The following PAK3 variants were observed in gnomAD, a reference collection of about 807,000 sequenced individuals.
The protein encoded by PAK3 is p21 (RAC1) activated kinase 3.
PAK3 carries 4 observed loss-of-function variants against 41.0 expected under a neutral mutation model. The ratio of observed to expected loss-of-function variants is 0.10; its 90% CI spans 0.05 to 0.22. PAK3 has a LOEUF of 0.22. Ranked by LOEUF, PAK3 falls within the 10% of genes least tolerant of loss-of-function variation. PAK3 has a pLI of 1.00. For missense variants in PAK3, 205 were observed against 409.9 expected, an observed-to-expected ratio of 0.50 and a Z score of 4.32; for synonymous variants, 146 against 139.6, an observed-to-expected ratio of 1.05 and a Z score of -0.32.
Position 111,163,032 on chromosome X carries a change from G to C in PAK3, c.586G>C (p.Glu196Gln). Reference sequence around the variant, plus strand: ...ACCACCAGTTATCGCACCAAGACCAGAGCATACAAAATCAGTAAGTCACAA... The same window carrying C: ...ACCACCAGTTATCGCACCAAGACCACAGCATACAAAATCAGTAAGTCACAA... ...EPPPVIAPRP[E>Q]HTKSIYTRSV... The change falls in exon 9 of 18, where the codon GAG becomes CAG. Residue 196 changes from glutamate (E) to glutamine (Q), a missense_variant. Glu to Gln is a conservative substitution (Grantham distance 29). This residue lies in a region of PAK3 where 75 missense variants were observed against 91.9 expected (regional missense o/e 0.82). Transcript: ENST00000372007. The C allele has an allele frequency of 8.3e-7, 1 of 1,208,345 alleles. No individual in the cohort carries two copies. The highest frequency in any genetic ancestry group is 1.1e-6 in the Non-Finnish European group (1 of 892,773).
At chrX:111,204,386 C>A (rs988615914) in intron 16 of PAK3, among the ~76,000 whole-genome samples, 1 of 111,120 alleles carries the variant, frequency 9.0e-6, no homozygotes, top group African/African-American at 3.3e-5. Flanking sequence ...GATGCATATG[C>A]TGATTGCCCT....
At chrX:111,166,909 G>T (rs769730844) in intron 10 of PAK3, among the ~76,000 whole-genome samples, 14 of 111,670 alleles carry the variant, frequency 1.3e-4, no homozygotes, top group Non-Finnish European at 2.6e-4. Flanking sequence ...AGTCATCACT[G>T]GGTCTGAGTC....
At position 111,203,545 on chromosome X, in the gene PAK3, A is replaced by G. The variant is rs185482142; in HGVS notation, c.1407+6905A>G. Among the ~76,000 whole-genome samples, 1,108 of 111,325 alleles carry G rather than the reference A, an allele frequency of 1.0e-2. 10 individuals carry two copies. The highest frequency in any genetic ancestry group is 0.017 in the Non-Finnish European group (887 of 52,956). On this transcript the variant is annotated intron_variant, in intron 16 of 17. Transcript: ENST00000372007. ...AAGGGGGAAAGGAGGACAGAAATCT[A>G]AAATCAGACCTCTTATCTACACTAG...
chrX:111,208,085 C>G (rs748328330), intron 16 of PAK3, among the ~76,000 whole-genome samples: 2 of 112,311 alleles, frequency 1.8e-5, no homozygotes, highest in African/African-American at 6.5e-5. Context: ...TGAGCCACCA[C>G]GCCCAGCCTG....
chrX:110,963,873 C>T (rs1186533804), intron 1 of PAK3, among the ~76,000 whole-genome samples: 1 of 111,813 alleles, frequency 8.9e-6, no homozygotes, highest in Non-Finnish European at 1.9e-5. Context: ...GCTATATCAG[C>T]GTGAGGTGTT....
At chrX:110,956,441 C>T (rs1220375633) in intron 1 of PAK3, among the ~76,000 whole-genome samples, 1 of 111,283 alleles carries the variant, frequency 9.0e-6, no homozygotes, top group Non-Finnish European at 1.9e-5. Context: ...GCTCCCACCC[C>T]AGAAAATATT....
In PAK3 at chrX:111,065,504, G is replaced by A. The variant is rs138742564; in HGVS notation, c.-27-57573G>A. 6.5e-4 allele frequency among the ~76,000 whole-genome samples: 72 copies of A among 110,719 alleles called. 1 individual carries two copies. In the East Asian group the frequency reaches 0.02, roughly 30 times the overall value. ...GTGTCTATGTTTATCAGGGATATTG[G>A]CCTGTAGTTTTCTTTTTTGTTGTTC... On this transcript the variant is annotated intron_variant, in intron 1 of 14. Transcript: ENST00000425146.
At position 110,972,935 on chromosome X, in the gene PAK3, G is replaced by A. The variant is rs191098302; in HGVS notation, c.-28+28307G>A. On this transcript the variant is annotated intron_variant, in intron 1 of 14. Coordinates refer to the PAK3 transcript ENST00000425146. ...GACGCATGCACAAGCTTCAATAGCCGATTCGATCAAGTGGAAGAAAGGGTA... is the reference window on the plus strand; with the variant it reads ...GACGCATGCACAAGCTTCAATAGCCAATTCGATCAAGTGGAAGAAAGGGTA... Among the ~76,000 whole-genome samples the A allele has an allele frequency of 3.4e-4, 38 of 111,716 alleles. No homozygotes were observed. In the Middle Eastern group the frequency reaches 0.014, roughly 41 times the overall value.
chrX:111,142,961 A>T (rs12014918), intron 6 of PAK3, among the ~76,000 whole-genome samples: 3,761 of 109,362 alleles, frequency 0.034, 150 homozygotes, highest in African/African-American at 0.11. Flanking sequence ...TTTCTTTTTT[A>T]AAAAAAAAGA....
chrX:111,186,817 A>G lies in PAK3; in HGVS notation c.831-5310A>G, dbSNP rs952972770. 3.6e-5 allele frequency among the ~76,000 whole-genome samples: 4 copies of G among 112,067 alleles called. No individual in the cohort carries two copies. In the East Asian group the frequency reaches 1.1e-3, roughly 31 times the overall value. ...TCATATGGAACCAAAAAAAGACACCAACTTTTAAAAATTAAAGTGAATTAA... is the reference window on the plus strand; with the variant it reads ...TCATATGGAACCAAAAAAAGACACCGACTTTTAAAAATTAAAGTGAATTAA... On this transcript the variant is annotated intron_variant, in intron 11 of 17. Transcript: ENST00000372007.
At chrX:111,062,009 G>T (rs188319464) in intron 1 of PAK3, among the ~76,000 whole-genome samples, 1 of 110,355 alleles carries the variant, frequency 9.1e-6, no homozygotes, top group East Asian at 2.8e-4. Context: ...GTAGAGACAG[G>T]GTCTCGCTAT....
chrX:110,998,547 GT>G (rs748616971), intron 1 of PAK3, among the ~76,000 whole-genome samples: 137 of 112,342 alleles, frequency 1.2e-3, no homozygotes, highest in Non-Finnish European at 2.2e-3. Context: ...ATGCTTCAAG[GT>G]TTTAGTAAAA....
In PAK3 at chrX:111,123,291, T is replaced by C. The variant is rs2093605217; in HGVS notation, c.175+13T>C. ...GGAGGGGATAAAAGTAAAGTATCAG[T>C]GGCCGGGCATTGAAAATGGGCTAGT... On this transcript the variant is annotated intron_variant, in intron 5 of 17. Transcript: ENST00000372007. 3 of 1,169,698 alleles carry C rather than the reference T, an allele frequency of 2.6e-6. No individual in the cohort carries two copies. Among genetic ancestry groups the C allele is most frequent in the African/African-American group, 3.5e-5 (2 of 56,630 alleles).
rs1474244038 is a variant in PAK3, at chrX:111,190,823, T to A, written c.831-1304T>A. ...CAAGAGAAATAATTACCAGAAAGTT[T>A]ACAAAGCAATGTTGGAGTATTATAA... On this transcript the variant is annotated intron_variant, in intron 11 of 17. Coordinates refer to ENST00000372007, the MANE Select transcript of PAK3 (RefSeq NM_002578.5). Among the ~76,000 whole-genome samples the A allele has an allele frequency of 1.2e-4, 14 of 112,446 alleles. No individual in the cohort carries two copies. The Admixed American group carries it at 1.3e-3, about 11-fold the overall frequency.
chrX:110,977,056 A>G (rs2091350982), intron 1 of PAK3, among the ~76,000 whole-genome samples: 1 of 110,602 alleles, frequency 9.0e-6, no homozygotes, highest in African/African-American at 3.3e-5. Flanking sequence ...ATGTATACCT[A>G]CGTATCAAAC....
intron 1 of PAK3, among the ~76,000 whole-genome samples, chrX:110,966,086 ACT>A (rs961796672): frequency 3.6e-5 from 4 of 112,166 alleles, no homozygotes; most frequent in Non-Finnish European, 7.5e-5. Context: ...ATTTAGCCTC[ACT>A]GTTTCAATGA....
chrX:111,171,292 G>A (rs139184435), intron 10 of PAK3, among the ~76,000 whole-genome samples: 85 of 111,520 alleles, frequency 7.6e-4, no homozygotes, highest in African/African-American at 2.7e-3. Flanking sequence ...ACACTTCTTT[G>A]TACCATGTGT....
chrX:111,179,785 A>G (rs1166430721), intron 11 of PAK3, among the ~76,000 whole-genome samples: 1 of 111,520 alleles, frequency 9.0e-6, no homozygotes, highest in Non-Finnish European at 1.9e-5. Context: ...AAAATGTGGC[A>G]CTTTCTGTAT....
chrX:111,160,673 G>A (rs1358568029), intron 8 of PAK3, among the ~76,000 whole-genome samples: 1 of 99,083 alleles, frequency 1.0e-5, no homozygotes, highest in Admixed American at 1.1e-4. Context: ...GTGTCCATGT[G>A]TTCTCATTGT....
Sources: allele counts gnomAD v4.1 joint callset (sites outside exome capture counted in the v4.1 genomes callset), GRCh38; gene constraint gnomAD v4.1.1; regional missense constraint gnomAD v4.1.1; transcripts MANE v1.5; gene names NCBI Gene and HGNC (gene_info 2026-07-23, HGNC 2026-07-21).